ICE2: variants seen among roughly 807,000 people sequenced by gnomAD.
ICE2 encodes the protein little elongation complex subunit 2.
ICE2 carries 87 observed loss-of-function variants against 105.4 expected under a neutral mutation model. The ratio of observed to expected loss-of-function variants is 0.83; its 90% CI spans 0.69 to 0.99. The LOEUF (loss-of-function observed/expected upper bound fraction) is 0.99, where lower values mean the gene tolerates loss of function less well. ICE2 is among the 50% of genes least tolerant of loss of function. The pLI is 0.00. For synonymous variants in ICE2, 399 were observed against 392.0 expected (o/e 1.02, Z -0.21); for missense variants, 1,323 against 1,146.7 (o/e 1.15, Z -2.22).
At chr15:60,437,696 G>C (rs1434956227) in intron 12 of ICE2, 1 of 151,378 alleles carries the variant, frequency 6.6e-6, no homozygotes, top group East Asian at 1.9e-4. Context: ...CTGTCTCCTG[G>C]GCTGGAGTGC....
Position 60,449,366 on chromosome 15 carries a change from A to T in ICE2, c.1601T>A (p.Ile534Lys), listed in dbSNP as rs377001758. 1 of 1,613,140 alleles carries T rather than the reference A, an allele frequency of 6.2e-7. No homozygotes were observed. The highest frequency in any genetic ancestry group is 1.3e-5 in the African/African-American group (1 of 74,986). ...AGGTCTTTCACCATCAGCATGTAAT[A>T]TATCTATAGTCATATCATTTTTATT... ...TSNKNDMTID[I>K]LHADGERPNV... The change falls in exon 10 of 16, where the codon ATA becomes AAA. Residue 534 changes from isoleucine (I) to lysine (K), a missense_variant. Coordinates refer to ENST00000261520, the MANE Select transcript of ICE2 (RefSeq NM_024611.6).
chr15:60,461,559 A>T lies in ICE2; in HGVS notation c.529-4765T>A, dbSNP rs114953024. Among the ~76,000 whole-genome samples the T allele has an allele frequency of 7.4e-3, 1,120 of 152,310 alleles. 10 individuals are homozygous for T. Among genetic ancestry groups the T allele is most frequent in the African/African-American group, 0.026 (1,088 of 41,580 alleles). On this transcript the variant is annotated intron_variant, in intron 5 of 15. Coordinates refer to ENST00000261520, the MANE Select transcript of ICE2 (RefSeq NM_024611.6). ...CAATAAAAACACAGTGCAATCTTTT[A>T]AAAAATGTGGGGGAGAATGAGAAGA...
chr15:60,457,473 TTTC>T (rs1219316133), intron 5 of ICE2, among the ~76,000 whole-genome samples: 14 of 152,286 alleles, frequency 9.2e-5, no homozygotes, highest in African/African-American at 3.4e-4. Context: ...ATACATATTT[TTTC>T]TTCTTCTGTC....
Position 60,460,820 on chromosome 15 carries a change from A to C in ICE2, c.529-4026T>G, listed in dbSNP as rs939960284. The stretch of plus-strand genomic sequence containing the variant: ...ATTCATAGATATTCATACGGGAAAA[A>C]ATGAACTTTGATCCTTACCTTGTAT... On this transcript the variant is annotated intron_variant, in intron 5 of 15. Transcript: ENST00000261520. Among the ~76,000 whole-genome samples, 6 of 152,150 alleles carry C rather than the reference A, an allele frequency of 3.9e-5. No homozygotes were observed. The South Asian group carries it at 1.2e-3, about 32-fold the overall frequency.
At chr15:60,438,257 A>AT (rs1159970402) in intron 12 of ICE2, 1 of 152,138 alleles carries the variant, frequency 6.6e-6, no homozygotes, top group Admixed American at 6.5e-5. Flanking sequence ...AATTGTTTTT[A>AT]TTTTTTTAAC....
At chr15:60,435,150 G>A (rs1230501198) in intron 13 of ICE2, among the ~76,000 whole-genome samples, 1 of 151,946 alleles carries the variant, frequency 6.6e-6, no homozygotes, top group Admixed American at 6.6e-5. Flanking sequence ...GTGTGGTGGC[G>A]GGCACCTGTA....
chr15:60,442,286 C>G (rs988100041), intron 12 of ICE2, 130 bp downstream of exon 12: 43 of 837,044 alleles, frequency 5.1e-5, no homozygotes, highest in Non-Finnish European at 7.7e-5. Context: ...GAATGAGACC[C>G]TAAAACTAAT....
Position 60,449,505 on chromosome 15 carries a change from C to T in ICE2, c.1462G>A (p.Gly488Arg). Residue 488 changes from glycine to arginine, a missense_variant, in exon 10 of 16, where the codon GGA (glycine) becomes AGA (arginine). Transcript: ENST00000261520. The part of the protein sequence containing the change: ...PEECKNKDDQ[G>R]FESCEKVSNS... ...GATACCTTTTCACATGATTCAAATC[C>T]CTGATCATCTTTATTTTTGCATTCC... is the stretch of plus-strand genomic sequence containing the variant. The T allele has an allele frequency of 6.2e-7, 1 of 1,613,992 alleles. No homozygotes were observed. The highest frequency in any genetic ancestry group is 8.5e-7 in the Non-Finnish European group (1 of 1,179,974).
At chr15:60,457,211 TA>T (rs201865661) in intron 5 of ICE2, among the ~76,000 whole-genome samples, 2 of 151,958 alleles carry the variant, frequency 1.3e-5, no homozygotes, top group Non-Finnish European at 2.9e-5. Flanking sequence ...ATCTATAATC[TA>T]AAAAAAATCA....
intron 5 of ICE2, among the ~76,000 whole-genome samples, chr15:60,465,258 C>G (rs2064390295): frequency 6.6e-6 from 1 of 151,984 alleles, no homozygotes; most frequent in African/African-American, 2.4e-5. Context: ...GCAGCACAAT[C>G]AAGGCTCACT....
At chr15:60,474,928 C>T (rs1004348329) in intron 3 of ICE2, among the ~76,000 whole-genome samples, 4 of 152,012 alleles carry the variant, frequency 2.6e-5, no homozygotes, top group Non-Finnish European at 4.4e-5. Flanking sequence ...CAAGATCAAC[C>T]GGGGCAACAC....
chr15:60,452,927 C>A, intron 9 of ICE2: 1 of 985,392 alleles, frequency 1.0e-6, no homozygotes, highest in Non-Finnish European at 1.2e-6. Flanking sequence ...TTCCTTTTCA[C>A]ACTTAAAAAC....
At chr15:60,432,111 C>G (rs1001281800) in intron 13 of ICE2, 127 bp from the exon 14 acceptor site, 1 of 178,644 alleles carries the variant, frequency 5.6e-6, no homozygotes, top group Non-Finnish European at 1.0e-5. Context: ...TAATGTAATA[C>G]AAAAAATCTG....
intron 5 of ICE2, among the ~76,000 whole-genome samples, chr15:60,464,993 G>A (rs2064382215): frequency 6.6e-6 from 1 of 152,114 alleles, no homozygotes; most frequent in South Asian, 2.1e-4. Flanking sequence ...TATGACTTAT[G>A]TATTAAAAAC....
intron 5 of ICE2, among the ~76,000 whole-genome samples, chr15:60,460,714 C>G (rs992033406): frequency 1.3e-5 from 2 of 152,148 alleles, no homozygotes; most frequent in Admixed American, 1.3e-4. Context: ...AGCACCCCTA[C>G]CAAGCTCTAG....
chr15:60,428,237 TA>T (rs1333052584), intron 15 of ICE2, among the ~76,000 whole-genome samples, 191 bp downstream of exon 15: 1 of 152,042 alleles, frequency 6.6e-6, no homozygotes, highest in African/African-American at 2.4e-5. Context: ...CTTGCAAAAA[TA>T]AAAAAGTTCC....
intron 11 of ICE2, among the ~76,000 whole-genome samples, chr15:60,447,237 G>C (rs1234231762): frequency 6.6e-6 from 1 of 152,064 alleles, no homozygotes; most frequent in Non-Finnish European, 1.5e-5. Flanking sequence ...AGTTCTACTT[G>C]GACTTCTAAA....
chr15:60,449,054 A>G lies in ICE2; in HGVS notation c.1913T>C (p.Val638Ala), dbSNP rs773236981. 1 of 1,613,110 alleles carries G rather than the reference A, an allele frequency of 6.2e-7. No homozygotes were observed. The highest frequency in any genetic ancestry group is 8.5e-7 in the Non-Finnish European group (1 of 1,179,566). ...TCCAACTGGATCAAATTTTTTATATACTCGTTTGATAGGTTTTTTTAAAAC... is the reference window on the plus strand; with the variant it reads ...TCCAACTGGATCAAATTTTTTATATGCTCGTTTGATAGGTTTTTTTAAAAC... ...SCVLKKPIKR[V>A]YKKFDPVGEI... The change falls in exon 10 of 16, where the codon GTA becomes GCA. Residue 638 changes from valine (V) to alanine (A), a missense_variant. Physicochemically the swap from Val to Ala is moderately conservative, Grantham distance 64 (BLOSUM62 0). Transcript: ENST00000261520.
chr15:60,456,452 G>C (rs965225397), intron 6 of ICE2, among the ~76,000 whole-genome samples: 1 of 148,436 alleles, frequency 6.7e-6, no homozygotes, highest in Non-Finnish European at 1.5e-5. Flanking sequence ...GCTAAGGCAG[G>C]AGAATCACCT....
Sources: allele counts gnomAD v4.1 joint callset (sites outside exome capture counted in the v4.1 genomes callset), GRCh38; gene constraint gnomAD v4.1.1; transcripts MANE v1.5; gene names NCBI Gene and HGNC (gene_info 2026-07-23, HGNC 2026-07-21).